Variants in ATXN7 observed in about 807,000 individuals in gnomAD.
ATXN7 encodes ataxin-7.
A neutral mutation model predicts 70.5 loss-of-function variants in ATXN7; 12 were observed. The ratio of observed to expected loss-of-function variants is 0.17; its 90% CI spans 0.11 to 0.28. ATXN7 has a LOEUF of 0.28. Ranked by LOEUF, ATXN7 falls within the 10% of genes least tolerant of loss-of-function variation. ATXN7 has a pLI of 1.00. For synonymous variants in ATXN7, 498 were observed against 448.7 expected, an observed-to-expected ratio of 1.11 and a Z score of -1.39; for missense variants, 1,256 against 1,131.7, an observed-to-expected ratio of 1.11 and a Z score of -1.58.
At chr3:63,990,467 A>G (rs2075652022) in intron 10 of ATXN7, 93 bp downstream of exon 10, 1 of 1,475,676 alleles carries the variant, frequency 6.8e-7, no homozygotes, top group African/African-American at 1.4e-5. Flanking sequence ...GCATGCCCGT[A>G]TGTGTGGGAC....
At chr3:63,972,858 A>T (rs910433221) in intron 5 of ATXN7, among the ~76,000 whole-genome samples, 1 of 152,134 alleles carries the variant, frequency 6.6e-6, no homozygotes, top group African/African-American at 2.4e-5. Flanking sequence ...ATTTGTTCTT[A>T]AGTGATTTCT....
At position 63,995,399 on chromosome 3, in the gene ATXN7, G is replaced by GAACC. The variant is rs2075740901; in HGVS notation, c.1683-105_1683-104insACCA. ...CTTTGTAGTTCAGAGTGATTGCTTT[G>GAACC]ATGTGGATGGTTTCTCTTTGTCACA... On this transcript the variant is annotated intron_variant, in intron 11 of 12. Coordinates refer to ENST00000674280, the MANE Select transcript of ATXN7 (RefSeq NM_001377405.1). 5.1e-5 allele frequency: 65 copies of GAACC among 1,264,496 alleles called. No homozygotes were observed. In the Middle Eastern group the frequency reaches 5.9e-4, roughly 11 times the overall value. 78.3% of individuals were successfully genotyped at this position (1,264,496 alleles called of 1,614,324 possible). A position where few individuals can be genotyped will look rare whatever the true frequency, so the allele number is the denominator to read the frequency against.
rs79480023 is a variant in ATXN7 at position 63,939,736 on chromosome 3, A to C, written c.395-12643A>C. The stretch of plus-strand genomic sequence containing the variant: ...GCCCTATTTCAACCTCTCCTCCCCA[A>C]CTCCACAGTAACTTTGAAAACCAGC... On this transcript the variant is annotated intron_variant, in intron 4 of 12. Transcript: ENST00000674280. Among the ~76,000 whole-genome samples, 5 of 152,026 alleles carry C rather than the reference A, an allele frequency of 3.3e-5. No individual in the cohort carries two copies. In the East Asian group the frequency reaches 7.8e-4, roughly 24 times the overall value.
chr3:63,863,823 C>A, upstream of ATXN7: 2 of 1,221,272 alleles, frequency 1.6e-6, no homozygotes, highest in East Asian at 3.3e-5. Flanking sequence ...GCGGCGGCGG[C>A]GCAAGCTGAG....
Position 63,996,326 on chromosome 3 carries a change from A to G in ATXN7, c.2504A>G (p.Lys835Arg). 6.2e-7 allele frequency: 1 copy of G among 1,614,214 alleles called. No individual in the cohort carries two copies. Among genetic ancestry groups the G allele is most frequent in the Middle Eastern group, 1.6e-4 (1 of 6,062 alleles). ...ACTCCTCTAGACAAACTCATAGGAA[A>G]GAAAAGAAAGTGCTCACCCAGCTCG... ...SHTPLDKLIG[K>R]KRKCSPSSSS... The change falls in exon 12 of 13, where the codon AAG (lysine) becomes AGG (arginine). Residue 835 changes from lysine (K) to arginine (R), a missense_variant. By Grantham distance (26) the Lys-to-Arg change is conservative (BLOSUM62 2). Transcript: ENST00000674280.
Position 63,982,083 on chromosome 3 carries a change from G to A in ATXN7, c.753-103G>A, listed in dbSNP as rs1045748560. ...TTCCAAGAGGCTGGCCCTGTGCAGC[G>A]CTTGGGTAGGCCCAGGCTCTATCCT... On this transcript the variant is annotated intron_variant, in intron 6 of 12. Coordinates refer to ENST00000674280, the MANE Select transcript of ATXN7 (RefSeq NM_001377405.1). 14 of 1,502,564 alleles carry A rather than the reference G, an allele frequency of 9.3e-6. No individual in the cohort carries two copies. The African/African-American group carries it at 1.4e-4, about 15-fold the overall frequency. The allele number at this position is 1,502,564 out of a possible 1,614,324, so 93.1% of individuals were successfully genotyped here.
intron 4 of ATXN7, among the ~76,000 whole-genome samples, chr3:63,947,107 T>G (rs2074876598): frequency 6.6e-6 from 1 of 152,230 alleles, no homozygotes; most frequent in Non-Finnish European, 1.5e-5. Flanking sequence ...TTCAATCCTG[T>G]GTGCCTTAGT....
At chr3:63,918,076 T>C (rs959075569) in intron 4 of ATXN7, among the ~76,000 whole-genome samples, 9 of 152,188 alleles carry the variant, frequency 5.9e-5, no homozygotes, top group Non-Finnish European at 1.0e-4. Flanking sequence ...TGTCCACACT[T>C]GATGACAGGT....
chr3:63,981,297 A>G (rs2075483425), intron 6 of ATXN7, among the ~76,000 whole-genome samples: 1 of 152,236 alleles, frequency 6.6e-6, no homozygotes, highest in Admixed American at 6.5e-5. Flanking sequence ...CAGTACAGCA[A>G]GCTTGGTTTT....
intron 4 of ATXN7, among the ~76,000 whole-genome samples, chr3:63,948,033 C>T (rs2074892119): frequency 6.6e-6 from 1 of 152,076 alleles, no homozygotes; most frequent in Non-Finnish European, 1.5e-5. Context: ...GAATTTTAAA[C>T]AGGGGAGTGA....
intron 4 of ATXN7, among the ~76,000 whole-genome samples, chr3:63,940,848 A>C (rs1235050772): frequency 6.6e-6 from 1 of 152,188 alleles, no homozygotes; most frequent in Non-Finnish European, 1.5e-5. Flanking sequence ...GATGCAGACA[A>C]GATTTATAAG....
chr3:63,980,577 G>A, intron 6 of ATXN7: 2 of 193,722 alleles, frequency 1.0e-5, no homozygotes, highest in East Asian at 2.4e-4. Context: ...TCCCATTTCT[G>A]TCACTTCTTA....
intron 5 of ATXN7, among the ~76,000 whole-genome samples, chr3:63,967,186 ACT>A (rs1476561634): frequency 1.3e-5 from 2 of 152,228 alleles, no homozygotes; most frequent in Admixed American, 6.5e-5. Flanking sequence ...CCAGGAAGAC[ACT>A]GTTTTCAAGG....
chr3:63,980,094 G>A lies in ATXN7; in HGVS notation c.679G>A (p.Glu227Lys). The A allele has an allele frequency of 6.2e-7, 1 of 1,614,146 alleles. No homozygotes were observed. Among genetic ancestry groups the A allele is most frequent in the Non-Finnish European group, 8.5e-7 (1 of 1,180,024 alleles). The change falls in exon 6 of 13, where the codon GAG (glutamate) becomes AAG (lysine). Residue 227 changes from glutamate to lysine, a missense_variant. Coordinates refer to ENST00000674280, the MANE Select transcript of ATXN7 (RefSeq NM_001377405.1). ...TTCCAAGTTGTTGAAATCACCCAAA[G>A]AGAAACTGCAGCTCAGGGGGAACAC... ...SSSKLLKSPKEKLQLRGNTRP... is the reference protein window; with the variant it reads ...SSSKLLKSPKKKLQLRGNTRP...
At chr3:63,902,142 C>A (rs955484712) in intron 2 of ATXN7, 3 of 152,200 alleles carry the variant, frequency 2.0e-5, no homozygotes, top group Admixed American at 1.3e-4. Context: ...GTTGCAGTGG[C>A]TCATACCTGT....
intron 1 of ATXN7, among the ~76,000 whole-genome samples, chr3:63,890,971 C>G (rs930858184): frequency 6.6e-6 from 1 of 152,078 alleles, no homozygotes; most frequent in African/African-American, 2.4e-5. Flanking sequence ...AGAAGTGTGG[C>G]ACCCAACATT....
chr3:63,932,369 G>A (rs2074563744), intron 4 of ATXN7, among the ~76,000 whole-genome samples: 1 of 152,082 alleles, frequency 6.6e-6, no homozygotes, highest in Non-Finnish European at 1.5e-5. Context: ...ATACCACATA[G>A]GCATGCATCA....
At chr3:63,863,839 G>A, upstream of ATXN7, 1 of 1,220,692 alleles carries the variant, frequency 8.2e-7, no homozygotes, top group Non-Finnish European at 1.0e-6. Context: ...CTGAGGCGGC[G>A]GTTGGCGGCG....
chr3:63,987,720 CCAAATTGCTGTTGTGTCA>C (rs1248624880), intron 8 of ATXN7, among the ~76,000 whole-genome samples: 1 of 152,058 alleles, frequency 6.6e-6, no homozygotes, highest in Non-Finnish European at 1.5e-5. Flanking sequence ...GCCCCCAAAA[CCAAATTGCTGTTGTGTCA>C]CAAAACATGA....
Sources: gnomAD v4.1 joint callset for allele counts (sites outside exome capture counted in the v4.1 genomes callset) on GRCh38, gnomAD v4.1.1 for gene constraint, MANE v1.5 for transcripts, NCBI Gene and HGNC (gene_info 2026-07-23, HGNC 2026-07-21) for gene names.